CACNA2D4: variants seen among roughly 807,000 people sequenced by gnomAD.
The protein encoded by CACNA2D4 is voltage-dependent calcium channel subunit alpha-2/delta-4.
In CACNA2D4, 157 loss-of-function variants were observed where a neutral mutation model predicts 163.8. That is an observed-to-expected ratio of 0.96 (90% CI 0.84 to 1.09). The LOEUF is 1.09. Ranked by LOEUF, CACNA2D4 falls within the 50% of genes least tolerant of loss-of-function variation. The probability of loss-of-function intolerance (pLI) is 0.00; values close to 1 mark genes in which losing one functional copy is unlikely to be tolerated. For synonymous variants in CACNA2D4, 598 were observed against 586.9 expected (o/e 1.02, Z -0.27); for missense variants, 1,410 against 1,479.9 (o/e 0.95, Z 0.78).
At chr12:1,836,031 C>A (rs998161657) in intron 26 of CACNA2D4, 1 of 152,242 alleles carries the variant, frequency 6.6e-6, no homozygotes, top group Non-Finnish European at 1.5e-5. Context: ...CAGACAGAGC[C>A]CAGGAGCAGG....
chr12:1,828,758 T>C lies in CACNA2D4; in HGVS notation c.2551+11981A>G, dbSNP rs766669377. ...GTGGGATGCGGCGCTGGAAGAGACTTTGGGGAGTGGGTCCAACCCCTCCTG... is the reference window on the plus strand; with the variant it reads ...GTGGGATGCGGCGCTGGAAGAGACTCTGGGGAGTGGGTCCAACCCCTCCTG... On this transcript the variant is annotated intron_variant, in intron 26 of 37. Transcript: ENST00000382722. The surrounding 1 kb of genome is among the most constrained non-coding windows in gnomAD (Gnocchi z 4.2). Among the ~76,000 whole-genome samples the C allele has an allele frequency of 2.0e-5, 3 of 152,244 alleles. No individual in the cohort carries two copies. Among genetic ancestry groups the C allele is most frequent in the South Asian group, 2.1e-4 (1 of 4,816 alleles).
chr12:1,904,839 C>T (rs1030323618), intron 6 of CACNA2D4, among the ~76,000 whole-genome samples: 5 of 151,800 alleles, frequency 3.3e-5, no homozygotes, highest in Admixed American at 6.6e-5. Context: ...AAATGATGGA[C>T]AAAAAAGCTT....
chr12:1,862,651 G>T (rs983652166), intron 18 of CACNA2D4, among the ~76,000 whole-genome samples: 1 of 152,158 alleles, frequency 6.6e-6, no homozygotes, highest in Admixed American at 6.5e-5. Context: ...GGCCTCAAGC[G>T]ACCTGCTTAC....
chr12:1,896,745 T>C (rs1015705714), intron 6 of CACNA2D4, among the ~76,000 whole-genome samples: 4 of 152,034 alleles, frequency 2.6e-5, no homozygotes, highest in African/African-American at 4.8e-5. Context: ...GAAAACAATA[T>C]GGTGATTTCT....
chr12:1,841,365 G>C (rs763586149), intron 25 of CACNA2D4, among the ~76,000 whole-genome samples: 3 of 152,208 alleles, frequency 2.0e-5, no homozygotes, highest in Non-Finnish European at 4.4e-5. Context: ...CTTCTCAGCT[G>C]TTGCTCCACT....
chr12:1,892,479 G>A (rs1028174649), intron 6 of CACNA2D4, among the ~76,000 whole-genome samples: 5 of 152,066 alleles, frequency 3.3e-5, no homozygotes, highest in African/African-American at 1.2e-4. Context: ...AAAATTCACT[G>A]GCAGAGCAAA....
intron 31 of CACNA2D4, 116 bp from the exon 32 acceptor site, chr12:1,800,554 A>C (rs967287386): frequency 1.0e-6 from 1 of 973,344 alleles, no homozygotes; most frequent in Non-Finnish European, 1.6e-6. Flanking sequence ...TGCCACTGGG[A>C]GCAGGGGCAG....
intron 25 of CACNA2D4, 131 bp from the exon 26 acceptor site, chr12:1,840,950 G>A (rs2154447677): frequency 1.3e-6 from 1 of 774,606 alleles, no homozygotes; most frequent in South Asian, 1.5e-5. Context: ...TGAGGCGAGG[G>A]TGGGGACAGG....
At chr12:1,888,829 T>A (rs1363559302) in intron 6 of CACNA2D4, among the ~76,000 whole-genome samples, 2 of 152,108 alleles carry the variant, frequency 1.3e-5, no homozygotes, top group Non-Finnish European at 2.9e-5. Flanking sequence ...TACTGGCAAA[T>A]ATTCTAGAAC....
chr12:1,794,263 C>A (rs1473639009), intron 37 of CACNA2D4, among the ~76,000 whole-genome samples: 1 of 152,148 alleles, frequency 6.6e-6, no homozygotes, highest in African/African-American at 2.4e-5. Flanking sequence ...GGAAGCGTGG[C>A]TCTTCGTTAA....
chr12:1,795,735 C>CAGG lies in CACNA2D4; in HGVS notation c.3156_3158dup (p.Leu1053dup), dbSNP rs528359746. On this transcript the variant is annotated inframe_insertion, in exon 36 of 38. Transcript: ENST00000382722. Reference sequence around the variant, plus strand: ...TGCAGTCACAGGTGGGGTCTGTCACCAGGAGGAGGAGGTTACTGTTGGGAA... The same window carrying CAGG: ...TGCAGTCACAGGTGGGGTCTGTCACCAGGAGGAGGAGGAGGTTACTGTTGGGAA... 481 of 1,613,716 alleles carry CAGG rather than the reference C, an allele frequency of 3.0e-4. No homozygotes were observed. The African/African-American group carries it at 4.0e-3, about 14-fold the overall frequency.
At chr12:1,860,023 C>T (rs1565715171) in intron 19 of CACNA2D4, 122 bp downstream of exon 19, 1 of 766,428 alleles carries the variant, frequency 1.3e-6, no homozygotes, top group Non-Finnish European at 2.2e-6. Flanking sequence ...AGGTCTACAC[C>T]TCAAGTTTCC....
intron 18 of CACNA2D4, among the ~76,000 whole-genome samples, chr12:1,861,648 G>C (rs907139782): frequency 3.3e-5 from 5 of 151,914 alleles, no homozygotes; most frequent in Non-Finnish European, 7.4e-5. Flanking sequence ...TCACCATGTT[G>C]GCCAGGATGA....
In CACNA2D4 at chr12:1,875,989, C is replaced by G. The variant is rs749888826; in HGVS notation, c.1720-652G>C. 6.6e-6 allele frequency among the ~76,000 whole-genome samples: 1 copy of G among 152,180 alleles called. No homozygotes were observed. Among genetic ancestry groups the G allele is most frequent in the African/African-American group, 2.4e-5 (1 of 41,434 alleles). On this transcript the variant is annotated intron_variant, in intron 16 of 37. Transcript: ENST00000382722. This position sits in a 1 kb window ranked among gnomAD's most constrained non-coding sequence, Gnocchi z 4.0. ...CGGTTCTGCTGTTTTCCTGGCCAGC[C>G]GCACTGACCTGGCAGTTCAGGCGGA...
rs377733849 is a variant in CACNA2D4, at chr12:1,886,091, G to A, written c.994-52C>T. On this transcript the variant is annotated intron_variant, in intron 8 of 37. Coordinates refer to ENST00000382722, the MANE Select transcript of CACNA2D4 (RefSeq NM_172364.5). ...GTGGGGGGAGAATAAACAGCATCAG[G>A]TTGCAAAGTCCAGGCCCAGCAAAGA... The A allele has an allele frequency of 5.1e-6, 8 of 1,558,272 alleles. 1 individual carries two copies. The South Asian group carries it at 5.6e-5, about 11-fold the overall frequency.
In CACNA2D4 at chr12:1,801,119, C is replaced by G; in HGVS notation, c.2793-1G>C. On this transcript the variant is annotated splice_acceptor_variant, in intron 30 of 37. Transcript: ENST00000382722. LOFTEE classifies it high-confidence loss of function. ...GGCCTGATAGTCATACATAGTCACT[C>G]TGAAAATCAGAAGCGGGCTGTGATG... is the stretch of plus-strand genomic sequence containing the variant. 1 of 1,613,848 alleles carries G rather than the reference C, an allele frequency of 6.2e-7. No individual in the cohort carries two copies. Among genetic ancestry groups the G allele is most frequent in the African/African-American group, 1.3e-5 (1 of 75,028 alleles).
chr12:1,840,924 G>C, intron 25 of CACNA2D4, 105 bp from the exon 26 acceptor site: 1 of 998,392 alleles, frequency 1.0e-6, no homozygotes, highest in Non-Finnish European at 1.6e-6. Context: ...GCAGGCGAAG[G>C]CATCCTTGGA....
intron 6 of CACNA2D4, among the ~76,000 whole-genome samples, chr12:1,902,424 T>G (rs1324158683): frequency 6.6e-6 from 1 of 152,072 alleles, no homozygotes; most frequent in Non-Finnish European, 1.5e-5. Context: ...ATAAGTCAAA[T>G]TATCCTTATT....
chr12:1,884,991 T>C lies in CACNA2D4; in HGVS notation c.1154A>G (p.Lys385Arg). 6.2e-7 allele frequency: 1 copy of C among 1,613,670 alleles called. No homozygotes were observed. The highest frequency in any genetic ancestry group is 8.5e-7 in the Non-Finnish European group (1 of 1,179,626). ...AGGCCTCATTACAGTGGGCACCTGC[T>C]TCAGGATCTGGAAGGCTTCTCTCAG... The part of the protein sequence containing the change: ...QALREAFQIL[K>R]QFQEAKQGSL... Residue 385 changes from lysine to arginine, a missense_variant, in exon 10 of 38, where the codon AAG becomes AGG. Coordinates refer to ENST00000382722, the MANE Select transcript of CACNA2D4 (RefSeq NM_172364.5).
Sources: allele counts gnomAD v4.1 joint callset (sites outside exome capture counted in the v4.1 genomes callset), GRCh38; gene constraint gnomAD v4.1.1; non-coding constraint Gnocchi (gnomAD v3.1); transcripts MANE v1.5; gene names NCBI Gene and HGNC (gene_info 2026-07-23, HGNC 2026-07-21).